Variants in DCAF13 observed in about 807,000 individuals in gnomAD.
DCAF13 encodes the protein DDB1 and CUL4 associated factor 13.
A neutral mutation model predicts 59.0 loss-of-function variants in DCAF13; 38 were observed. The observed-to-expected ratio is 0.64, with a 90% confidence interval of 0.50 to 0.84. DCAF13 has a LOEUF of 0.84. Ranked by LOEUF, DCAF13 falls within the 40% of genes least tolerant of loss-of-function variation. The pLI, the probability that DCAF13 is intolerant of heterozygous loss-of-function variation, is 0.00. For missense variants in DCAF13, 469 were observed against 558.4 expected (o/e 0.84, Z 1.61); for synonymous variants, 173 against 175.0 (o/e 0.99, Z 0.09).
At chr8:103,421,830 A>G (rs1179962445) in intron 3 of DCAF13, among the ~76,000 whole-genome samples, 1 of 152,134 alleles carries the variant, frequency 6.6e-6, no homozygotes, top group Non-Finnish European at 1.5e-5. Context: ...ATAACATTCC[A>G]TTGTATGTGT....
chr8:103,418,399 G>A (rs1380589851), intron 1 of DCAF13, among the ~76,000 whole-genome samples: 1 of 151,616 alleles, frequency 6.6e-6, no homozygotes, highest in Non-Finnish European at 1.5e-5. Context: ...GCATGCCTCA[G>A]GTCCAAGCTA....
intron 1 of DCAF13, among the ~76,000 whole-genome samples, chr8:103,419,582 A>G (rs1816694272): frequency 6.6e-6 from 1 of 152,232 alleles, no homozygotes; most frequent in African/African-American, 2.4e-5. Context: ...CAGGAAGCTT[A>G]GAGTTCTGTT....
intron 1 of DCAF13, among the ~76,000 whole-genome samples, chr8:103,418,098 A>C (rs1334390896): frequency 6.6e-6 from 1 of 151,972 alleles, no homozygotes; most frequent in Non-Finnish European, 1.5e-5. Context: ...ACTGCACTCC[A>C]GCCTGGGCAA....
chr8:103,422,123 T>G (rs1210279061), intron 3 of DCAF13, among the ~76,000 whole-genome samples: 1 of 152,160 alleles, frequency 6.6e-6, no homozygotes, highest in Non-Finnish European at 1.5e-5. Context: ...TGGTTGATAC[T>G]TTGGAGGATT....
intron 5 of DCAF13, chr8:103,429,853 G>A (rs1243989020): frequency 6.6e-6 from 1 of 152,032 alleles, no homozygotes; most frequent in Non-Finnish European, 1.5e-5. Flanking sequence ...ACAGCTCTTT[G>A]GAAAAATAAT....
intron 8 of DCAF13, among the ~76,000 whole-genome samples, chr8:103,439,129 CAAG>C (rs1479335733): frequency 2.0e-5 from 3 of 152,082 alleles, no homozygotes; most frequent in Admixed American, 6.5e-5. Flanking sequence ...CTCAGCCTCC[CAAG>C]TAGCTGGGAC....
At chr8:103,420,644 G>A (rs1432532824) in intron 2 of DCAF13, 181 bp downstream of exon 2, 1 of 618,134 alleles carries the variant, frequency 1.6e-6, no homozygotes, top group African/African-American at 1.9e-5. Context: ...TATAAATGCA[G>A]TAGTTTAAGG....
chr8:103,441,197 C>T (rs767172264), intron 9 of DCAF13: 4 of 331,144 alleles, frequency 1.2e-5, no homozygotes, highest in South Asian at 4.7e-5. Flanking sequence ...CAGTGATCCA[C>T]GTGGCCCTAC....
chr8:103,420,174 A>T, intron 1 of DCAF13, 90 bp from the exon 2 acceptor site: 1 of 1,163,778 alleles, frequency 8.6e-7, no homozygotes, highest in Non-Finnish European at 1.3e-6. Flanking sequence ...GTCACTAACT[A>T]AATGCTTATT....
intron 1 of DCAF13, among the ~76,000 whole-genome samples, chr8:103,418,858 A>AT (rs1170003003): frequency 8.6e-5 from 3 of 34,950 alleles, no homozygotes; most frequent in African/African-American, 3.1e-4. Flanking sequence ...ATATATATAT[A>AT]TATATATATT....
chr8:103,430,364 C>A (rs546754035), intron 5 of DCAF13: 28 of 238,124 alleles, frequency 1.2e-4, no homozygotes, highest in African/African-American at 6.2e-4. Flanking sequence ...TGCACTCCAG[C>A]CTGGGTGACA....
At chr8:103,418,866 A>ATTTTTTT (rs1159489554) in intron 1 of DCAF13, among the ~76,000 whole-genome samples, 2 of 38,428 alleles carry the variant, frequency 5.2e-5, no homozygotes, top group African/African-American at 9.9e-5. Context: ...ATATATATAT[A>ATTTTTTT]TTTTTTTTTT....
chr8:103,439,360 A>G (rs1171544959), intron 8 of DCAF13: 2 of 147,120 alleles, frequency 1.4e-5, no homozygotes, highest in African/African-American at 5.1e-5. Context: ...ACACATGTAA[A>G]TCATCAACTC....
intron 7 of DCAF13, among the ~76,000 whole-genome samples, chr8:103,433,094 C>T (rs947808807): frequency 6.6e-6 from 1 of 152,078 alleles, no homozygotes; most frequent in Non-Finnish European, 1.5e-5. Flanking sequence ...ATAGTTGCAG[C>T]GGAGACCTTA....
At chr8:103,437,371 G>C (rs186048757) in intron 8 of DCAF13, among the ~76,000 whole-genome samples, 2 of 152,030 alleles carry the variant, frequency 1.3e-5, no homozygotes, top group Admixed American at 6.6e-5. Context: ...CGAGAACAAA[G>C]AAAAAAACAG....
In DCAF13 at chr8:103,419,142, C is replaced by G. The variant is rs13439598; in HGVS notation, c.71-1122C>G. ...CTCGTGATCCGTCCGTCCCGGCCCCCCAAAGTGCTGGGATTACAGGCGTGA... is the reference window on the plus strand; with the variant it reads ...CTCGTGATCCGTCCGTCCCGGCCCCGCAAAGTGCTGGGATTACAGGCGTGA... On this transcript the variant is annotated intron_variant, in intron 1 of 10. Transcript: ENST00000612750. 9.2e-3 allele frequency among the ~76,000 whole-genome samples: 1,395 copies of G among 151,918 alleles called. 19 individuals are homozygous for G. Among genetic ancestry groups the G allele is most frequent in the African/African-American group, 0.031 (1,274 of 41,416 alleles).
At chr8:103,437,956 G>T (rs1041836354) in intron 8 of DCAF13, among the ~76,000 whole-genome samples, 6 of 152,128 alleles carry the variant, frequency 3.9e-5, no homozygotes, top group Non-Finnish European at 8.8e-5. Flanking sequence ...CTTTAAAAAT[G>T]TATTTATCTC....
intron 4 of DCAF13, 87 bp from the exon 5 acceptor site, chr8:103,427,010 A>T: frequency 9.7e-7 from 1 of 1,030,558 alleles, no homozygotes; most frequent in Non-Finnish European, 1.4e-6. Flanking sequence ...CTCTAAAAAG[A>T]TAGTATAGAT....
In DCAF13 at chr8:103,430,597, T is replaced by C; in HGVS notation, c.625-15T>C. 1.2e-6 allele frequency: 2 copies of C among 1,603,374 alleles called. No individual in the cohort carries two copies. The highest frequency in any genetic ancestry group is 4.5e-5 in the East Asian group (2 of 44,646). On this transcript the variant is annotated splice_polypyrimidine_tract_variant and intron_variant, in intron 5 of 10. Coordinates refer to ENST00000612750, the MANE Select transcript of DCAF13 (RefSeq NM_015420.7). ...GGTCTGGCTTTGAACTGGTGATTGT[T>C]ATACTTGTTTTTAGACATTTCTCTT...
Sources: gnomAD v4.1 joint callset for allele counts (sites outside exome capture counted in the v4.1 genomes callset) on GRCh38, gnomAD v4.1.1 for gene constraint, MANE v1.5 for transcripts, NCBI Gene and HGNC (gene_info 2026-07-23, HGNC 2026-07-21) for gene names.